The following RYR3 variants were observed in gnomAD, a reference collection of about 807,000 sequenced individuals.
The protein encoded by RYR3 is brain ryanodine receptor-calcium release channel.
Under a neutral mutation model 584.3 loss-of-function variants are expected in RYR3, and 207 were observed. The ratio of observed to expected loss-of-function variants is 0.35; its 90% CI spans 0.32 to 0.40. The LOEUF is 0.40. Among genes scored for constraint, RYR3 ranks in the 10% least tolerant of loss-of-function variants. RYR3 has a pLI of 1.00. For synonymous variants in RYR3, 2,416 were observed against 2,248.5 expected (o/e 1.07, Z -2.11); for missense variants, 5,616 against 6,089.2 (o/e 0.92, Z 2.59).
At chr15:33,527,269 TAAAAAATAAA>T (rs1041617754) in intron 3 of RYR3, among the ~76,000 whole-genome samples, 4 of 146,688 alleles carry the variant, frequency 2.7e-5, no homozygotes, top group Non-Finnish European at 5.9e-5. Context: ...GCAAATTCTT[TAAAAAATAAA>T]ATAAAATAAA....
intron 67 of RYR3, among the ~76,000 whole-genome samples, chr15:33,793,541 TA>T (rs551694261): frequency 2.6e-5 from 4 of 151,792 alleles, no homozygotes; most frequent in South Asian, 2.1e-4. Flanking sequence ...TTATATATAA[TA>T]AAAAAAACTC....
At chr15:33,476,343 C>A (rs1237760995) in intron 2 of RYR3, among the ~76,000 whole-genome samples, 4 of 152,170 alleles carry the variant, frequency 2.6e-5, no homozygotes, top group Non-Finnish European at 5.9e-5. Context: ...ATCCACTTAA[C>A]TAAGTGATTG....
intron 53 of RYR3, 104 bp downstream of exon 53, chr15:33,746,261 C>A (rs2070704373): frequency 8.6e-6 from 7 of 813,738 alleles, no homozygotes; most frequent in Admixed American, 2.0e-5. Context: ...GTCCCTACAA[C>A]ATCATCATCT....
chr15:33,654,077 C>A (rs1355282850), intron 32 of RYR3, among the ~76,000 whole-genome samples: 1 of 152,010 alleles, frequency 6.6e-6, no homozygotes, highest in Non-Finnish European at 1.5e-5. Flanking sequence ...TCTCGACTCT[C>A]CAAGGTAGAA....
chr15:33,497,488 T>A (rs1013873976), intron 2 of RYR3, among the ~76,000 whole-genome samples: 1 of 152,194 alleles, frequency 6.6e-6, no homozygotes, highest in Non-Finnish European at 1.5e-5. Flanking sequence ...CTGCTGCTGC[T>A]ACTTTAATTT....
chr15:33,422,326 A>C (rs2044296759), intron 1 of RYR3, among the ~76,000 whole-genome samples: 2 of 152,198 alleles, frequency 1.3e-5, no homozygotes, highest in Admixed American at 1.3e-4. Context: ...TTTACTCCCC[A>C]GCTGAGTGCT....
intron 3 of RYR3, among the ~76,000 whole-genome samples, chr15:33,511,693 T>A (rs2053025421): frequency 6.6e-6 from 1 of 152,202 alleles, no homozygotes; most frequent in African/African-American, 2.4e-5. Context: ...CGCCAGGCAG[T>A]TTGTTTTACC....
chr15:33,709,216 TGG>T (rs1422478444), intron 43 of RYR3, among the ~76,000 whole-genome samples: 1 of 152,152 alleles, frequency 6.6e-6, no homozygotes, highest in Non-Finnish European at 1.5e-5. Flanking sequence ...GGAGCAGACA[TGG>T]ACAGAGATCA....
At chr15:33,338,747 C>A (rs1216425543) in intron 1 of RYR3, among the ~76,000 whole-genome samples, 1 of 152,054 alleles carries the variant, frequency 6.6e-6, no homozygotes. Flanking sequence ...CTTTCACATA[C>A]ATATATTCAT....
intron 1 of RYR3, among the ~76,000 whole-genome samples, chr15:33,401,681 T>C (rs919085595): frequency 1.3e-5 from 2 of 152,206 alleles, no homozygotes; most frequent in Admixed American, 6.5e-5. Flanking sequence ...TGGACCACCA[T>C]TTAACAGTTT....
At chr15:33,328,461 T>A (rs947156706) in intron 1 of RYR3, among the ~76,000 whole-genome samples, 4 of 152,224 alleles carry the variant, frequency 2.6e-5, no homozygotes, top group Non-Finnish European at 4.4e-5. Flanking sequence ...TAATGTCCCC[T>A]GCTACATTTT....
intron 1 of RYR3, among the ~76,000 whole-genome samples, chr15:33,460,634 A>T (rs1055631189): frequency 1.6e-4 from 24 of 152,242 alleles, no homozygotes; most frequent in Admixed American, 2.0e-4. Flanking sequence ...TAAATGCATG[A>T]TACATTAAGG....
chr15:33,358,106 T>A (rs564105121), intron 1 of RYR3, among the ~76,000 whole-genome samples: 1 of 152,282 alleles, frequency 6.6e-6, no homozygotes, highest in Admixed American at 6.5e-5. Flanking sequence ...GAGTATGGAG[T>A]CAGGTTGGGT....
chr15:33,645,778 C>T (rs1396239945), intron 28 of RYR3, among the ~76,000 whole-genome samples: 1 of 152,086 alleles, frequency 6.6e-6, no homozygotes, highest in South Asian at 2.1e-4. Context: ...TAACTCTGCC[C>T]CCTGCAATGC....
intron 70 of RYR3, among the ~76,000 whole-genome samples, chr15:33,809,968 T>A (rs2076429874): frequency 6.6e-6 from 1 of 152,232 alleles, no homozygotes; most frequent in Non-Finnish European, 1.5e-5. Flanking sequence ...AAAGCAGCCC[T>A]GCTTTAGATT....
Position 33,429,709 on chromosome 15 carries a change from A to G in RYR3, c.52-43710A>G, listed in dbSNP as rs948398495. Among the ~76,000 whole-genome samples the G allele has an allele frequency of 5.3e-5, 8 of 152,226 alleles. No homozygotes were observed. The East Asian group carries it at 5.8e-4, about 11-fold the overall frequency. ...CTTCCTTTATACATTTTACGTAAAC[A>G]TATTTATTGAGAACTGTTAAGCACG... is the stretch of plus-strand genomic sequence containing the variant. On this transcript the variant is annotated intron_variant, in intron 1 of 103. Transcript: ENST00000634891.
At chr15:33,503,374 A>G (rs1306071781) in intron 2 of RYR3, among the ~76,000 whole-genome samples, 1 of 152,128 alleles carries the variant, frequency 6.6e-6, no homozygotes, top group Non-Finnish European at 1.5e-5. Flanking sequence ...GTGTTCTTCC[A>G]TATGAACCAC....
At chr15:33,647,401 A>G (rs953064) in intron 29 of RYR3, 23 bp from the exon 30 acceptor site, 1 of 1,598,542 alleles carries the variant, frequency 6.3e-7, no homozygotes, top group African/African-American at 1.3e-5. Flanking sequence ...GAATAACTAA[A>G]ACATGGATTA....
chr15:33,693,043 A>G (rs2065558893), intron 38 of RYR3, among the ~76,000 whole-genome samples: 1 of 152,196 alleles, frequency 6.6e-6, no homozygotes, highest in South Asian at 2.1e-4. Context: ...AGCATGTATT[A>G]TATCTGCAGA....
Sources: allele counts gnomAD v4.1 joint callset (sites outside exome capture counted in the v4.1 genomes callset), GRCh38; gene constraint gnomAD v4.1.1; transcripts MANE v1.5; gene names NCBI Gene and HGNC (gene_info 2026-07-23, HGNC 2026-07-21).